The following KLRG1 variants were observed in gnomAD, a reference collection of about 807,000 sequenced individuals.
KLRG1 encodes the protein killer cell lectin-like receptor subfamily G member 1.
Under a neutral mutation model 21.8 loss-of-function variants are expected in KLRG1, and 16 were observed. The observed-to-expected ratio is 0.73, with a 90% CI of 0.50 to 1.11. The LOEUF (loss-of-function observed/expected upper bound fraction) is 1.11. Ranked by LOEUF, KLRG1 falls within the 50% of genes most tolerant of loss-of-function variation. KLRG1 has a pLI of 0.00. For missense variants in KLRG1, 173 were observed against 218.3 expected, an observed-to-expected ratio of 0.79 and a Z score of 1.31; for synonymous variants, 69 against 75.9, an observed-to-expected ratio of 0.91 and a Z score of 0.47.
intron 1 of KLRG1, among the ~76,000 whole-genome samples, chr12:8,953,611 G>GC (rs1946240731): frequency 6.6e-6 from 1 of 152,144 alleles, no homozygotes. Flanking sequence ...GCCTCCTGCG[G>GC]CTATCATTTC....
chr12:9,038,728 T>C, the KLRG1 span, among the ~76,000 whole-genome samples: 1 of 152,050 alleles, frequency 6.6e-6, no homozygotes, highest in Non-Finnish European at 1.5e-5. Context: ...TTGTGAGAGC[T>C]GTATGTAGAG....
chr12:9,044,898 T>C, the KLRG1 span, among the ~76,000 whole-genome samples: 1 of 152,184 alleles, frequency 6.6e-6, no homozygotes, highest in Non-Finnish European at 1.5e-5. Flanking sequence ...TGACATGTAT[T>C]AGGATATTCA....
chr12:9,055,680 G>C, the KLRG1 span: 1 of 152,580 alleles, frequency 6.6e-6, no homozygotes, highest in Non-Finnish European at 1.5e-5. Flanking sequence ...CGTGGGTCTG[G>C]GGATTCCAGC....
At chr12:9,042,923 T>G in the KLRG1 span, among the ~76,000 whole-genome samples, 1 of 152,064 alleles carries the variant, frequency 6.6e-6, no homozygotes, top group African/African-American at 2.4e-5. Context: ...TGGGCCCTCA[T>G]GGAGGAATGG....
chr12:9,079,324 C>A, the KLRG1 span: 1 of 1,613,568 alleles, frequency 6.2e-7, no homozygotes, highest in Non-Finnish European at 8.5e-7. Context: ...TCAACTGTCT[C>A]TGGTAACCTG....
chr12:9,206,652 G>A, the KLRG1 span, among the ~76,000 whole-genome samples: 145 of 152,212 alleles, frequency 9.5e-4, 1 homozygote, highest in African/African-American at 1.3e-3. Context: ...GTTCTCTTTT[G>A]TAGTCTCTCA....
the KLRG1 span, chr12:9,090,256 C>G: frequency 4.5e-6 from 7 of 1,565,140 alleles, no homozygotes; most frequent in Non-Finnish European, 6.1e-6. Context: ...ATCGCAGCAT[C>G]TAGTGGTCTT....
the KLRG1 span, among the ~76,000 whole-genome samples, chr12:9,070,077 A>G: frequency 6.6e-6 from 1 of 152,362 alleles, no homozygotes; most frequent in Admixed American, 6.5e-5. Context: ...TCATATTTCA[A>G]AGTTCAATTC....
chr12:8,964,338 G>A (rs1214764830), intron 1 of KLRG1, among the ~76,000 whole-genome samples: 2 of 152,186 alleles, frequency 1.3e-5, no homozygotes, highest in South Asian at 4.1e-4. Flanking sequence ...CTATGTAGTT[G>A]AGTGGTTTTG....
At chr12:8,951,986 C>A (rs1401615241) in intron 1 of KLRG1, among the ~76,000 whole-genome samples, 1 of 152,198 alleles carries the variant, frequency 6.6e-6, no homozygotes, top group African/African-American at 2.4e-5. Context: ...ACCTCAGTGC[C>A]CTTTCTGGGT....
chr12:9,194,600 G>A, the KLRG1 span, among the ~76,000 whole-genome samples: 1 of 151,876 alleles, frequency 6.6e-6, no homozygotes, highest in Non-Finnish European at 1.5e-5. Flanking sequence ...GAGTAGCTGG[G>A]ACTACAGGCG....
the KLRG1 span, among the ~76,000 whole-genome samples, chr12:9,158,752 CTTTTCTTTT>C: frequency 2.0e-5 from 2 of 97,818 alleles, no homozygotes; most frequent in Admixed American, 1.3e-4. Flanking sequence ...TTTTTCTTTT[CTTTTCTTTT>C]TTTTTTTTTT....
chr12:9,168,828 G>A, the KLRG1 span: 1 of 1,456,580 alleles, frequency 6.9e-7, no homozygotes, highest in South Asian at 1.1e-5. Flanking sequence ...TAGTAATATT[G>A]TTGGACATGA....
chr12:8,992,179 G>C, intron 1 of KLRG1, 27 bp from the exon 2 acceptor site: 1 of 1,568,134 alleles, frequency 6.4e-7, no homozygotes, highest in Non-Finnish European at 8.7e-7. Context: ...TCTGACTCAG[G>C]ATTGTGCTTT....
the KLRG1 span, chr12:9,113,390 C>G: frequency 8.4e-5 from 135 of 1,613,514 alleles, no homozygotes; most frequent in Non-Finnish European, 1.1e-4. Flanking sequence ...GTACGTCATT[C>G]TCCGCCTCCA....
the KLRG1 span, among the ~76,000 whole-genome samples, chr12:9,125,161 G>C: frequency 2.0e-5 from 3 of 152,218 alleles, no homozygotes; most frequent in African/African-American, 4.8e-5. Context: ...AGGAGCACCC[G>C]CTCCAGGGCC....
the KLRG1 span, among the ~76,000 whole-genome samples, chr12:9,034,410 G>A: frequency 6.6e-6 from 1 of 152,106 alleles, no homozygotes; most frequent in East Asian, 1.9e-4. Context: ...GATAATATGT[G>A]CCTCTGTTAT....
At chr12:9,055,137 T>G in the KLRG1 span, among the ~76,000 whole-genome samples, 1 of 152,204 alleles carries the variant, frequency 6.6e-6, no homozygotes, top group African/African-American at 2.4e-5. Flanking sequence ...GACCAGAAGT[T>G]AAGCATTTCT....
the KLRG1 span, among the ~76,000 whole-genome samples, chr12:9,020,048 C>CAT: frequency 4.1e-4 from 55 of 135,722 alleles, no homozygotes; most frequent in East Asian, 1.1e-3. Context: ...TCTTTGTATA[C>CAT]ATATATATAT....
Sources: gnomAD v4.1 joint callset for allele counts (sites outside exome capture counted in the v4.1 genomes callset) on GRCh38, gnomAD v4.1.1 for gene constraint, MANE v1.5 for transcripts, NCBI Gene and HGNC (gene_info 2026-07-23, HGNC 2026-07-21) for gene names.